LAMA2: variants seen among roughly 807,000 people sequenced by gnomAD.
LAMA2 encodes the protein laminin subunit alpha 2.
In LAMA2, 269 loss-of-function variants were observed where a neutral mutation model predicts 364.8. The ratio of observed to expected loss-of-function variants is 0.74; its 90% CI spans 0.67 to 0.82. The LOEUF is 0.82. LAMA2 is among the 40% of genes least tolerant of loss of function. The pLI, the probability that LAMA2 is intolerant of heterozygous loss-of-function variation, is 0.00. For synonymous variants in LAMA2, 1,379 were observed against 1,370.6 expected (o/e 1.01, Z -0.14); for missense variants, 3,807 against 3,873.2 (o/e 0.98, Z 0.45).
At chr6:129,418,572 T>C (rs1780916585) in intron 40 of LAMA2, among the ~76,000 whole-genome samples, 1 of 152,160 alleles carries the variant, frequency 6.6e-6, no homozygotes, top group Non-Finnish European at 1.5e-5. Context: ...CATGTGTAAA[T>C]ATCAGTGAAC....
chr6:129,175,611 T>G (rs1283984544), intron 9 of LAMA2, among the ~76,000 whole-genome samples: 1 of 152,194 alleles, frequency 6.6e-6, no homozygotes, highest in Non-Finnish European at 1.5e-5. Context: ...AAACACCGCA[T>G]GTTCTTACTC....
chr6:129,252,548 C>T (rs1330213818), intron 14 of LAMA2, among the ~76,000 whole-genome samples: 1 of 152,046 alleles, frequency 6.6e-6, no homozygotes, highest in Non-Finnish European at 1.5e-5. Flanking sequence ...TGATCAATAA[C>T]GATTCCTATA....
intron 4 of LAMA2, among the ~76,000 whole-genome samples, chr6:129,109,305 G>A (rs1211822760): frequency 6.6e-6 from 1 of 152,104 alleles, no homozygotes; most frequent in Non-Finnish European, 1.5e-5. Flanking sequence ...TGTGGTCAAA[G>A]TACTGCAGAA....
chr6:128,945,934 A>G (rs1185294049), intron 1 of LAMA2, among the ~76,000 whole-genome samples: 1 of 152,244 alleles, frequency 6.6e-6, no homozygotes, highest in Non-Finnish European at 1.5e-5. Flanking sequence ...GAGGGCACCC[A>G]ACTTAATCAA....
At chr6:129,223,795 C>G (rs1784047577) in intron 12 of LAMA2, among the ~76,000 whole-genome samples, 1 of 152,120 alleles carries the variant, frequency 6.6e-6, no homozygotes, top group South Asian at 2.1e-4. Context: ...CAGCTTTGTT[C>G]TTTTGGCTTA....
Position 129,507,575 on chromosome 6 carries a change from T to C in LAMA2, c.8790T>C (p.His2930=). ...TGGAACAACCCACCTCCAGCTTCCATGTTGGGACATGTTTTGCAAATGCTC... is the reference window on the plus strand; with the variant it reads ...TGGAACAACCCACCTCCAGCTTCCACGTTGGGACATGTTTTGCAAATGCTC... ...ADLEQPTSSF[H]VGTCFANAQR... Residue 2930 remains histidine (H), a synonymous_variant, in exon 62 of 65, where the codon CAT becomes CAC. Coordinates refer to ENST00000421865, the MANE Select transcript of LAMA2 (RefSeq NM_000426.4). 1 of 1,614,216 alleles carries C rather than the reference T, an allele frequency of 6.2e-7. No homozygotes were observed. The highest frequency in any genetic ancestry group is 8.5e-7 in the Non-Finnish European group (1 of 1,180,008).
chr6:128,910,870 C>T (rs1174790198), intron 1 of LAMA2, among the ~76,000 whole-genome samples: 1 of 151,464 alleles, frequency 6.6e-6, no homozygotes, highest in African/African-American at 2.4e-5. Flanking sequence ...GGACCCTCAA[C>T]TGCAGGTCTG....
chr6:128,946,823 T>A (rs1454258343), intron 1 of LAMA2, among the ~76,000 whole-genome samples: 1 of 152,246 alleles, frequency 6.6e-6, no homozygotes. Context: ...GCTGAAAGTT[T>A]AGGTTTTCTT....
In LAMA2 at chr6:129,330,226, A is replaced by G. The variant is rs117477958; in HGVS notation, c.4311+1814A>G. Among the ~76,000 whole-genome samples, 998 of 152,216 alleles carry G rather than the reference A, an allele frequency of 6.6e-3. 4 individuals carry two copies. The highest frequency in any genetic ancestry group is 0.011 in the Non-Finnish European group (782 of 68,016). On this transcript the variant is annotated intron_variant, in intron 29 of 64. Coordinates refer to ENST00000421865, the MANE Select transcript of LAMA2 (RefSeq NM_000426.4). ...ATAGATAATAAAGTGCACAGTAAATATAACATGCTTGCATCATCACAAAAC... is the reference window on the plus strand; with the variant it reads ...ATAGATAATAAAGTGCACAGTAAATGTAACATGCTTGCATCATCACAAAAC...
chr6:129,314,053 GTC>G (rs1483998405), intron 23 of LAMA2, among the ~76,000 whole-genome samples: 3 of 152,124 alleles, frequency 2.0e-5, no homozygotes, highest in African/African-American at 7.2e-5. Context: ...ATTTTCATGA[GTC>G]TTTCATATTG....
At chr6:129,242,811 GT>G (rs1233895008) in intron 12 of LAMA2, among the ~76,000 whole-genome samples, 2 of 152,084 alleles carry the variant, frequency 1.3e-5, no homozygotes, top group African/African-American at 4.8e-5. Flanking sequence ...TGTTGAGATT[GT>G]ACTATTTCAA....
At chr6:129,130,497 G>A (rs1400267259) in intron 4 of LAMA2, among the ~76,000 whole-genome samples, 2 of 152,178 alleles carry the variant, frequency 1.3e-5, no homozygotes, top group Non-Finnish European at 2.9e-5. Flanking sequence ...ATGAGCCTGT[G>A]TCTTTATTTG....
At chr6:129,254,205 T>C (rs1157280299) in intron 14 of LAMA2, among the ~76,000 whole-genome samples, 2 of 152,256 alleles carry the variant, frequency 1.3e-5, no homozygotes, top group Non-Finnish European at 2.9e-5. Context: ...ACAGTGGATT[T>C]ACTTCCATGG....
rs1411836689 is a variant in LAMA2 at position 128,892,171 on chromosome 6, CT to C, written c.112+8817del. Reference sequence around the variant, plus strand: ...GAACAGCAAAATATTCTAAAAATTTCTTTGAGGAGACCCTAAGAGACTATAG... The same window carrying C: ...GAACAGCAAAATATTCTAAAAATTTCTTGAGGAGACCCTAAGAGACTATAG... On this transcript the variant is annotated intron_variant, in intron 1 of 64. Coordinates refer to ENST00000421865, the MANE Select transcript of LAMA2 (RefSeq NM_000426.4). Among the ~76,000 whole-genome samples, 13 of 152,018 alleles carry C rather than the reference CT, an allele frequency of 8.6e-5. No individual in the cohort carries two copies. The East Asian group carries it at 2.5e-3, about 29-fold the overall frequency.
intron 8 of LAMA2, among the ~76,000 whole-genome samples, chr6:129,163,916 T>A (rs1000484387): frequency 6.6e-6 from 1 of 152,232 alleles, no homozygotes; most frequent in African/African-American, 2.4e-5. Context: ...CTTCACTCAT[T>A]ATAAACATTG....
intron 9 of LAMA2, among the ~76,000 whole-genome samples, chr6:129,167,268 G>A (rs935187276): frequency 5.3e-5 from 8 of 149,928 alleles, no homozygotes; most frequent in Non-Finnish European, 7.4e-5. Context: ...CCACTAACTC[G>A]TCATCTAGCA....
At chr6:129,502,807 TA>T (rs1433476395) in intron 59 of LAMA2, 36 bp downstream of exon 59, 1 of 1,311,350 alleles carries the variant, frequency 7.6e-7, no homozygotes, top group Non-Finnish European at 1.1e-6. Flanking sequence ...AAAGAACCGA[TA>T]AATGAAGAAC....
Position 129,280,043 on chromosome 6 carries a change from G to T in LAMA2, c.2451-18G>T, listed in dbSNP as rs142989915. Reference sequence around the variant, plus strand: ...TCCTTCTTCCTTGTCCCTGTTTTCCGCAACAACATCAACATAGCTTTAGCC... The same window carrying T: ...TCCTTCTTCCTTGTCCCTGTTTTCCTCAACAACATCAACATAGCTTTAGCC... On this transcript the variant is annotated intron_variant, in intron 17 of 64. Coordinates refer to ENST00000421865, the MANE Select transcript of LAMA2 (RefSeq NM_000426.4). The T allele has an allele frequency of 4.7e-5, 74 of 1,573,244 alleles. No homozygotes were observed. In the East Asian group the frequency reaches 1.5e-3, roughly 33 times the overall value.
intron 1 of LAMA2, among the ~76,000 whole-genome samples, chr6:128,911,808 G>GT (rs1777985100): frequency 6.6e-6 from 1 of 152,186 alleles, no homozygotes; most frequent in Non-Finnish European, 1.5e-5. Context: ...GGCCCTCACT[G>GT]TTTTTTTGCT....
Sources: gnomAD v4.1 joint callset for allele counts (sites outside exome capture counted in the v4.1 genomes callset) on GRCh38, gnomAD v4.1.1 for gene constraint, MANE v1.5 for transcripts, NCBI Gene and HGNC (gene_info 2026-07-23, HGNC 2026-07-21) for gene names.